Variants in FBLN2 observed in about 807,000 individuals in gnomAD.
FBLN2 encodes fibulin-2.
FBLN2 carries 81 observed loss-of-function variants against 123.7 expected under a neutral mutation model. The observed-to-expected ratio is 0.65, with a 90% CI of 0.55 to 0.79. The LOEUF (loss-of-function observed/expected upper bound fraction) is 0.79. FBLN2 is among the 30% of genes least tolerant of loss of function. FBLN2 has a pLI of 0.00. For synonymous variants in FBLN2, 699 were observed against 701.4 expected (o/e 1.00, Z 0.05); for missense variants, 1,603 against 1,681.3 (o/e 0.95, Z 0.81).
At chr3:13,634,567 G>A (rs977875389) in intron 16 of FBLN2, among the ~76,000 whole-genome samples, 1 of 152,282 alleles carries the variant, frequency 6.6e-6, no homozygotes, top group African/African-American at 2.4e-5. Context: ...CAAGGAGCAG[G>A]AGGAGGCCCT....
intron 1 of FBLN2, among the ~76,000 whole-genome samples, chr3:13,563,093 G>T (rs1404588654): frequency 2.0e-5 from 3 of 152,208 alleles, no homozygotes; most frequent in Non-Finnish European, 2.9e-5. Context: ...GAACTTGGAT[G>T]CGCAAATATT....
At chr3:13,637,071 C>A in intron 17 of FBLN2, among the ~76,000 whole-genome samples, 1 of 152,170 alleles carries the variant, frequency 6.6e-6, no homozygotes. Context: ...CTCCCCAGCT[C>A]AGTGTATCAG....
At chr3:13,598,657 G>C (rs1482712315) in intron 2 of FBLN2, among the ~76,000 whole-genome samples, 1 of 152,202 alleles carries the variant, frequency 6.6e-6, no homozygotes, top group Non-Finnish European at 1.5e-5. Context: ...TATACACCAA[G>C]AGCCTGAAGT....
intron 2 of FBLN2, among the ~76,000 whole-genome samples, chr3:13,607,849 G>T (rs1310950151): frequency 6.6e-6 from 1 of 152,048 alleles, no homozygotes; most frequent in African/African-American, 2.4e-5. Flanking sequence ...ACCTGTTATG[G>T]GCTGGGCTCC....
chr3:13,626,680 G>A (rs1706052772), intron 10 of FBLN2, 101 bp downstream of exon 10: 2 of 1,278,120 alleles, frequency 1.6e-6, no homozygotes, highest in Non-Finnish European at 2.1e-6. Flanking sequence ...GCCACCCTTA[G>A]GCCTGGCCAC....
chr3:13,631,537 G>T, intron 16 of FBLN2, 80 bp downstream of exon 16: 19 of 1,471,220 alleles, frequency 1.3e-5, no homozygotes, highest in Non-Finnish European at 1.7e-5. Context: ...AGCTCACACA[G>T]CTTGCGTGCA....
chr3:13,554,245 G>A (rs555706530), intron 1 of FBLN2, among the ~76,000 whole-genome samples: 1 of 152,290 alleles, frequency 6.6e-6, no homozygotes, highest in South Asian at 2.1e-4. Context: ...TGTGTCTCCC[G>A]TGGCTTCTGT....
At chr3:13,619,902 G>A in intron 8 of FBLN2, 71 bp downstream of exon 8, 1 of 1,255,342 alleles carries the variant, frequency 8.0e-7, no homozygotes, top group Admixed American at 2.4e-5. Context: ...TCCAGGTGGG[G>A]GTGGCTGAGA....
At chr3:13,572,448 C>T (rs1199650987) in intron 2 of FBLN2, among the ~76,000 whole-genome samples, 4 of 152,274 alleles carry the variant, frequency 2.6e-5, no homozygotes, top group African/African-American at 7.2e-5. Context: ...GGTCACACAA[C>T]CAGTGAGCAG....
intron 14 of FBLN2, among the ~76,000 whole-genome samples, 162 bp from the exon 15 acceptor site, chr3:13,630,537 T>C (rs1706220575): frequency 6.6e-6 from 1 of 152,168 alleles, no homozygotes; most frequent in African/African-American, 2.4e-5. Flanking sequence ...AGGCCATGGA[T>C]CCCTTCCCAG....
At chr3:13,567,156 C>T (rs60748324) in intron 1 of FBLN2, among the ~76,000 whole-genome samples, 11,885 of 131,704 alleles carry the variant, frequency 0.09, 635 homozygotes, top group South Asian at 0.22. Flanking sequence ...GGGGCTGTGC[C>T]GGTGAGCAGA....
chr3:13,576,765 C>T (rs113263901), intron 2 of FBLN2, among the ~76,000 whole-genome samples: 5 of 149,870 alleles, frequency 3.3e-5, no homozygotes, highest in Non-Finnish European at 7.4e-5. Context: ...GTATTTATAG[C>T]GCTCCAACTG....
chr3:13,605,595 TC>T (rs879729852), intron 2 of FBLN2, among the ~76,000 whole-genome samples: 1 of 151,854 alleles, frequency 6.6e-6, no homozygotes, highest in Non-Finnish European at 1.5e-5. Flanking sequence ...TTCCTCATCC[TC>T]CCCCCCAGTG....
intron 2 of FBLN2, among the ~76,000 whole-genome samples, chr3:13,584,898 G>A (rs1282080777): frequency 6.6e-6 from 1 of 152,240 alleles, no homozygotes; most frequent in Non-Finnish European, 1.5e-5. Flanking sequence ...ATGCCATGTT[G>A]GCGGTGGGAA....
At chr3:13,556,740 G>A (rs1703474608) in intron 1 of FBLN2, among the ~76,000 whole-genome samples, 1 of 152,224 alleles carries the variant, frequency 6.6e-6, no homozygotes, top group Non-Finnish European at 1.5e-5. Context: ...ACATGACACT[G>A]TAGCCCACCT....
chr3:13,568,272 C>G (rs1384071939), intron 1 of FBLN2, among the ~76,000 whole-genome samples: 1 of 152,216 alleles, frequency 6.6e-6, no homozygotes, highest in Non-Finnish European at 1.5e-5. Context: ...TCACACAACT[C>G]CCCCTTCCAG....
At chr3:13,621,127 C>G (rs1705836516) in intron 8 of FBLN2, among the ~76,000 whole-genome samples, 1 of 152,248 alleles carries the variant, frequency 6.6e-6, no homozygotes, top group Non-Finnish European at 1.5e-5. Flanking sequence ...AGGACCCCCT[C>G]CCTCCTCTGG....
intron 16 of FBLN2, among the ~76,000 whole-genome samples, chr3:13,636,021 C>A (rs1263349737): frequency 1.3e-5 from 2 of 151,908 alleles, no homozygotes; most frequent in Admixed American, 1.3e-4. Flanking sequence ...AAGCCTCCAG[C>A]AGTAGGAAAA....
chr3:13,600,363 G>C (rs543621715), intron 2 of FBLN2, among the ~76,000 whole-genome samples: 1 of 152,066 alleles, frequency 6.6e-6, no homozygotes, highest in African/African-American at 2.4e-5. Flanking sequence ...AGCTTTGTTT[G>C]AGAAGGAAGG....
Sources: gnomAD v4.1 joint callset for allele counts (sites outside exome capture counted in the v4.1 genomes callset) on GRCh38, gnomAD v4.1.1 for gene constraint, MANE v1.5 for transcripts, NCBI Gene and HGNC (gene_info 2026-07-23, HGNC 2026-07-21) for gene names.